Variants in MYO3A observed in about 807,000 individuals in gnomAD.
MYO3A encodes myosin IIIA, also known as myosin-IIIa.
In MYO3A, 180 loss-of-function variants were observed where a neutral mutation model predicts 192.7. The observed-to-expected ratio is 0.93, with a 90% CI of 0.83 to 1.06. The LOEUF is 1.06. Among genes scored for constraint, MYO3A ranks in the 50% least tolerant of loss-of-function variants. The pLI, the probability that MYO3A is intolerant of heterozygous loss-of-function variation, is 0.00. For missense variants in MYO3A, 1,896 were observed against 1,905.0 expected (o/e 1.00, Z 0.09); for synonymous variants, 628 against 645.3 (o/e 0.97, Z 0.41).
chr10:26,161,440 A>G (rs1181753240), intron 26 of MYO3A, among the ~76,000 whole-genome samples: 1 of 152,152 alleles, frequency 6.6e-6, no homozygotes, highest in African/African-American at 2.4e-5. Flanking sequence ...TTTTCCCACT[A>G]AGCACCTGTA....
intron 4 of MYO3A, among the ~76,000 whole-genome samples, chr10:25,971,025 T>C (rs913839163): frequency 2.6e-5 from 4 of 152,168 alleles, no homozygotes; most frequent in African/African-American, 7.2e-5. Flanking sequence ...AGAAATATTA[T>C]TGCTCTAGCT....
At chr10:26,049,685 T>TG (rs1843870106) in intron 10 of MYO3A, among the ~76,000 whole-genome samples, 1 of 140,706 alleles carries the variant, frequency 7.1e-6, no homozygotes, top group Non-Finnish European at 1.5e-5. Context: ...TTTTTTTTTT[T>TG]TTTTTTTTTT....
chr10:26,042,026 A>AC (rs113437536), intron 10 of MYO3A, among the ~76,000 whole-genome samples: 24,555 of 151,894 alleles, frequency 0.16, 2,240 homozygotes, highest in Non-Finnish European at 0.21. Flanking sequence ...AAAATCCCTA[A>AC]TTTTGTTTGT....
At chr10:26,090,392 A>G in intron 15 of MYO3A, among the ~76,000 whole-genome samples, 1 of 152,234 alleles carries the variant, frequency 6.6e-6, no homozygotes, top group East Asian at 1.9e-4. Flanking sequence ...GAAATAGCAT[A>G]GTCAGGATTA....
At chr10:26,093,989 A>G (rs765705787) in intron 15 of MYO3A, among the ~76,000 whole-genome samples, 4 of 152,154 alleles carry the variant, frequency 2.6e-5, no homozygotes, top group Non-Finnish European at 5.9e-5. Flanking sequence ...GCTAACCAAT[A>G]GCATTGTTAC....
At chr10:26,003,745 T>A (rs185309704) in intron 6 of MYO3A, among the ~76,000 whole-genome samples, 1 of 152,318 alleles carries the variant, frequency 6.6e-6, no homozygotes, top group Non-Finnish European at 1.5e-5. Context: ...AGTTCTTATT[T>A]CTGCGGATTT....
intron 6 of MYO3A, among the ~76,000 whole-genome samples, chr10:26,011,177 C>T (rs1216747150): frequency 6.6e-6 from 1 of 152,102 alleles, no homozygotes; most frequent in African/African-American, 2.4e-5. Context: ...ACTTGTAATG[C>T]CAGCACTTTG....
intron 6 of MYO3A, among the ~76,000 whole-genome samples, chr10:26,007,410 G>A (rs183675058): frequency 1.3e-5 from 2 of 148,758 alleles, no homozygotes; most frequent in Non-Finnish European, 3.0e-5. Context: ...GGAAATAAAG[G>A]GTATTCAGTT....
intron 14 of MYO3A, among the ~76,000 whole-genome samples, chr10:26,071,461 G>A (rs1221562591): frequency 1.3e-5 from 2 of 152,128 alleles, no homozygotes; most frequent in African/African-American, 4.8e-5. Context: ...AAAGTTCTTT[G>A]TGATGTTGAG....
At chr10:26,070,821 A>C (rs1835157487) in intron 14 of MYO3A, among the ~76,000 whole-genome samples, 1 of 148,580 alleles carries the variant, frequency 6.7e-6, no homozygotes, top group South Asian at 2.2e-4. Context: ...TAAAATCAAA[A>C]AAACATGAAC....
chr10:26,088,235 A>C lies in MYO3A; in HGVS notation c.1392A>C (p.Leu464Phe). The C allele has an allele frequency of 6.2e-7, 1 of 1,612,446 alleles. No homozygotes were observed. The highest frequency in any genetic ancestry group is 1.1e-5 in the South Asian group (1 of 90,774). Residue 464 changes from leucine to phenylalanine, a missense_variant, in exon 15 of 35, where the codon TTA (leucine) becomes TTC (phenylalanine). Physicochemically the swap from Leu to Phe is conservative, Grantham distance 22. Transcript: ENST00000642920. ...ACAGAACCTTGCAAGAGAAGATTTTACAAGTGAACAATTTGGTAGAAGCCT... is the reference window on the plus strand; with the variant it reads ...ACAGAACCTTGCAAGAGAAGATTTTCCAAGTGAACAATTTGGTAGAAGCCT... Reference protein sequence around the residue: ...ANNRTLQEKILQVNNLVEAFG... With the variant: ...ANNRTLQEKIFQVNNLVEAFG...
Position 26,016,813 on chromosome 10 carries a change from C to A in MYO3A, c.509-7C>A. ...TGCAAAAAAGTACATCTTGTCTCTT[C>A]CTCTAGGTGTGTCTGCACAGCTCAC... On this transcript the variant is annotated splice_region_variant and splice_polypyrimidine_tract_variant and intron_variant, in intron 6 of 34. Transcript: ENST00000642920. 1 of 1,613,858 alleles carries A rather than the reference C, an allele frequency of 6.2e-7. No individual in the cohort carries two copies. Among genetic ancestry groups the A allele is most frequent in the Non-Finnish European group, 8.5e-7 (1 of 1,179,754 alleles).
chr10:26,187,309 A>G (rs1322749119), intron 31 of MYO3A, among the ~76,000 whole-genome samples: 2 of 152,144 alleles, frequency 1.3e-5, no homozygotes, highest in Non-Finnish European at 2.9e-5. Context: ...TTAGTTTTCC[A>G]GGGCTGCCAT....
chr10:26,045,003 G>A (rs2131247983), intron 10 of MYO3A, among the ~76,000 whole-genome samples: 1 of 152,350 alleles, frequency 6.6e-6, no homozygotes, highest in South Asian at 2.1e-4. Flanking sequence ...AGCCTCAGCA[G>A]CAGAGGAGCA....
Position 26,067,000 on chromosome 10 carries a change from G to A in MYO3A, c.979G>A (p.Gly327Arg), listed in dbSNP as rs142631212. 1 of 1,612,630 alleles carries A rather than the reference G, an allele frequency of 6.2e-7. No homozygotes were observed. Among genetic ancestry groups the A allele is most frequent in the East Asian group, 2.2e-5 (1 of 44,828 alleles). Residue 327 changes from glycine (G) to arginine (R), a missense_variant, in exon 11 of 35, where the codon GGG becomes AGG. Physicochemically the swap from Gly to Arg is moderately radical, Grantham distance 125. Coordinates refer to ENST00000642920, the MANE Select transcript of MYO3A (RefSeq NM_017433.5). ...ACGTGAACGTATTCACACGAAGAAA[G>A]GGAACTTCAACCGACCTCTAATATC... ...ARRERIHTKK[G>R]NFNRPLISNL...
intron 10 of MYO3A, among the ~76,000 whole-genome samples, chr10:26,060,938 T>TTTTA (rs1554816137): frequency 2.3e-5 from 1 of 43,596 alleles, no homozygotes; most frequent in Admixed American, 1.8e-4. Flanking sequence ...TTTTATTTTA[T>TTTTA]TTTTTTTTGA....
At chr10:26,148,174 T>C (rs1369271224) in intron 23 of MYO3A, among the ~76,000 whole-genome samples, 1 of 152,208 alleles carries the variant, frequency 6.6e-6, no homozygotes, top group Admixed American at 6.5e-5. Flanking sequence ...ATAGTGAACA[T>C]ACTCATCACT....
chr10:26,157,464 T>A lies in MYO3A; in HGVS notation c.2948T>A (p.Ile983Asn). Residue 983 changes from isoleucine (I) to asparagine (N), a missense_variant, in exon 26 of 35, where the codon ATT becomes AAT. Ile to Asn is a moderately radical substitution (Grantham distance 149, BLOSUM62 -3). Coordinates refer to ENST00000642920, the MANE Select transcript of MYO3A (RefSeq NM_017433.5). ...RYTGILETAR[I>N]RRLGFSHRIL... ...ACAGGAATTCTGGAAACAGCAAGAA[T>A]TCGAAGACTAGGATTCTCCCATCGG... 1 of 1,614,188 alleles carries A rather than the reference T, an allele frequency of 6.2e-7. No individual in the cohort carries two copies. Among genetic ancestry groups the A allele is most frequent in the Non-Finnish European group, 8.5e-7 (1 of 1,180,002 alleles).
At chr10:25,974,883 A>T (rs191090849) in intron 4 of MYO3A, among the ~76,000 whole-genome samples, 81 of 152,334 alleles carry the variant, frequency 5.3e-4, no homozygotes, top group Admixed American at 4.7e-3. Context: ...GCCTCATTTT[A>T]TGAGGCCAGC....
Sources: gnomAD v4.1 joint callset for allele counts (sites outside exome capture counted in the v4.1 genomes callset) on GRCh38, gnomAD v4.1.1 for gene constraint, MANE v1.5 for transcripts, NCBI Gene and HGNC (gene_info 2026-07-23, HGNC 2026-07-21) for gene names.